KCP: variants seen among roughly 807,000 people sequenced by gnomAD.
The protein encoded by KCP is kielin/chordin-like protein.
Under a neutral mutation model 212.7 loss-of-function variants are expected in KCP, and 194 were observed. The ratio of observed to expected loss-of-function variants is 0.91; its 90% CI spans 0.81 to 1.03. The LOEUF (loss-of-function observed/expected upper bound fraction) is 1.03. KCP is among the 50% of genes least tolerant of loss of function. KCP has a pLI of 0.00. For missense variants in KCP, 2,080 were observed against 2,162.5 expected (o/e 0.96, Z 0.76); for synonymous variants, 833 against 865.3 (o/e 0.96, Z 0.65).
Position 128,879,513 on chromosome 7 carries a change from G to T in KCP, c.4146+9C>A. ...AGGCAGCCCACCCAGACTCGCCCTG[G>T]AGCCGCACCTGGAGCCCGGGCTGGG... On this transcript the variant is annotated intron_variant, in intron 37 of 39. Coordinates refer to ENST00000610776, the MANE Select transcript of KCP (RefSeq NM_001366122.1). 1 of 1,547,424 alleles carries T rather than the reference G, an allele frequency of 6.5e-7. No individual in the cohort carries two copies. The highest frequency in any genetic ancestry group is 8.7e-7 in the Non-Finnish European group (1 of 1,145,572).
intron 9 of KCP, 41 bp downstream of exon 9, chr7:128,894,159 T>C (rs1272436562): frequency 6.6e-7 from 1 of 1,509,304 alleles, no homozygotes; most frequent in Non-Finnish European, 8.9e-7. Context: ...TTCTCCAGGT[T>C]GCCCACCATG....
Position 128,886,981 on chromosome 7 carries a change from C to T in KCP, c.2599-15G>A. 3.7e-6 allele frequency: 5 copies of T among 1,346,464 alleles called. No individual in the cohort carries two copies. Among genetic ancestry groups the T allele is most frequent in the Non-Finnish European group, 4.1e-6 (4 of 964,228 alleles). The allele number at this position is 1,346,464 out of a possible 1,614,324, so 83.4% of individuals were successfully genotyped here. A position where few individuals can be genotyped will look rare whatever the true frequency, so the allele number is the denominator to read the frequency against. On this transcript the variant is annotated splice_polypyrimidine_tract_variant and intron_variant, in intron 23 of 39. Coordinates refer to ENST00000610776, the MANE Select transcript of KCP (RefSeq NM_001366122.1). ...ATGGAACCTTCCTGGGGGAGAGAGG[C>T]CCATCACACCCTCAACTGGACTGCA...
At chr7:128,910,551 G>A in intron 1 of KCP, 50 bp downstream of exon 1, 1 of 1,469,508 alleles carries the variant, frequency 6.8e-7, no homozygotes, top group African/African-American at 1.5e-5. Context: ...GCTGATAGGA[G>A]GGAGGGGGCG....
chr7:128,905,306 T>G (rs1266086949), intron 5 of KCP, among the ~76,000 whole-genome samples: 1 of 152,206 alleles, frequency 6.6e-6, no homozygotes, highest in Non-Finnish European at 1.5e-5. Context: ...TGCCGTTTAT[T>G]GAAATTAAGA....
chr7:128,891,230 G>T lies in KCP; in HGVS notation c.1927C>A (p.Pro643Thr). The change falls in exon 19 of 40, where the codon CCA (proline) becomes ACA (threonine). Residue 643 changes from proline (P) to threonine (T), a missense_variant. Pro to Thr is a conservative substitution (Grantham distance 38). Transcript: ENST00000610776. ...LARRCVPLPC[P>T]EPVLLPGECC... ...TCTCCCGGCAGCAGGACAGGCTCTGGACAGGGCAGCGGCACGCAGCGGCGG... is the reference window on the plus strand; with the variant it reads ...TCTCCCGGCAGCAGGACAGGCTCTGTACAGGGCAGCGGCACGCAGCGGCGG... The T allele has an allele frequency of 6.5e-7, 1 of 1,546,540 alleles. No individual in the cohort carries two copies.
rs1006136448 is a variant in KCP, at chr7:128,894,052, C to G, written c.929G>C (p.Cys310Ser). 2 of 1,549,512 alleles carry G rather than the reference C, an allele frequency of 1.3e-6. No individual in the cohort carries two copies. The highest frequency in any genetic ancestry group is 1.7e-6 in the Non-Finnish European group (2 of 1,146,088). Residue 310 changes from cysteine to serine, a missense_variant, in exon 10 of 40, where the codon TGT becomes TCT. By Grantham distance (112) the Cys-to-Ser change is moderately radical. Transcript: ENST00000610776. ...GCGGTGCTCCCGCCCGTTTAGGAAA[C>G]AGCCTGTTGGGAAGGGGGGCCTTAG... is the stretch of plus-strand genomic sequence containing the variant. ...PGTCCPVCDG[C>S]FLNGREHRSG...
rs1291470232 is a variant in KCP at position 128,891,238 on chromosome 7, A to G, written c.1919T>C (p.Leu640Pro). ...CAGCAGGACAGGCTCTGGACAGGGC[A>G]GCGGCACGCAGCGGCGGGCCAGGCA... The part of the protein sequence containing the change: ...VQCLARRCVP[L>P]PCPEPVLLPG... The change falls in exon 19 of 40, where the codon CTG (leucine) becomes CCG (proline). Residue 640 changes from leucine (L) to proline (P), a missense_variant. By Grantham distance (98) the Leu-to-Pro change is moderately conservative. Coordinates refer to ENST00000610776, the MANE Select transcript of KCP (RefSeq NM_001366122.1). The G allele has an allele frequency of 3.2e-6, 5 of 1,547,004 alleles. No homozygotes were observed. The highest frequency in any genetic ancestry group is 3.5e-6 in the Non-Finnish European group (4 of 1,146,690).
chr7:128,890,465 G>T lies in KCP; in HGVS notation c.2213C>A (p.Ser738Ter), dbSNP rs999948416. 45 of 1,550,752 alleles carry T rather than the reference G, an allele frequency of 2.9e-5. No individual in the cohort carries two copies. The highest frequency in any genetic ancestry group is 2.7e-4 in the East Asian group (11 of 40,916). Residue 738 changes from serine (S) to a stop codon, truncating the protein, a stop_gained, in exon 21 of 40, where the codon TCG becomes TAG. Transcript: ENST00000610776. LOFTEE classifies it high-confidence loss of function. ...KEFASGERFPSPTAACHLCLC... is the reference protein window; with the variant it reads ...KEFASGERFP ...GCAGAGGTGGCAGGCAGCAGTGGGC[G>T]ATGGGAAGCGCTCCCCGCTGGCAAA...
At chr7:128,883,648 C>T (rs901435949) in intron 29 of KCP, among the ~76,000 whole-genome samples, 6 of 152,154 alleles carry the variant, frequency 3.9e-5, no homozygotes, top group African/African-American at 1.2e-4. Context: ...ACTTTTCCCC[C>T]CAATCTTAAT....
In KCP at chr7:128,884,194, G is replaced by A. The variant is rs555690560; in HGVS notation, c.3124-72C>T. 1.0e-4 allele frequency: 152 copies of A among 1,487,112 alleles called. No homozygotes were observed. In the African/African-American group the frequency reaches 1.7e-3, roughly 17 times the overall value. The allele number at this position is 1,487,112 out of a possible 1,614,324, so 92.1% of individuals were successfully genotyped here. A position where few individuals can be genotyped will look rare whatever the true frequency, so the allele number is the denominator to read the frequency against. On this transcript the variant is annotated intron_variant, in intron 28 of 39. Coordinates refer to ENST00000610776, the MANE Select transcript of KCP (RefSeq NM_001366122.1). ...AGAGCTGCCCTTGGCCGGGACTTCC[G>A]GCCCCTCCCTCTGCCTGCTGCAGCC...
At chr7:128,884,967 T>A (rs917973228) in intron 27 of KCP, 104 bp from the exon 28 acceptor site, 90 of 1,475,400 alleles carry the variant, frequency 6.1e-5, no homozygotes, top group Non-Finnish European at 7.3e-5. Context: ...TCCCAGGGAG[T>A]GGAGTGTGCA....
At position 128,880,986 on chromosome 7, in the gene KCP, C is replaced by T. The variant is rs1171512299; in HGVS notation, c.3513+11G>A. ...GAGATCCTCCACCCTCCCAGGCCCA[C>T]CCCAGCTCACATGGCAGGTGCAGGC... On this transcript the variant is annotated intron_variant, in intron 32 of 39. Coordinates refer to ENST00000610776, the MANE Select transcript of KCP (RefSeq NM_001366122.1). The T allele has an allele frequency of 1.0e-5, 4 of 398,874 alleles. No individual in the cohort carries two copies. Among genetic ancestry groups the T allele is most frequent in the East Asian group, 3.6e-5 (1 of 28,092 alleles). 24.7% of individuals were successfully genotyped at this position (398,874 alleles called of 1,614,324 possible).
chr7:128,892,612 G>A lies in KCP; in HGVS notation c.1528-5C>T, dbSNP rs1441455761. On this transcript the variant is annotated splice_region_variant and splice_polypyrimidine_tract_variant and intron_variant, in intron 15 of 39. Coordinates refer to ENST00000610776, the MANE Select transcript of KCP (RefSeq NM_001366122.1). ...GGAGCATGTCACAGTTCCATCCTGC[G>A]AGAGAGCAGGGGAGAGAGCAATCGG... is the stretch of plus-strand genomic sequence containing the variant. 20 of 1,550,722 alleles carry A rather than the reference G, an allele frequency of 1.3e-5. No individual in the cohort carries two copies. Among genetic ancestry groups the A allele is most frequent in the African/African-American group, 4.1e-5 (3 of 73,024 alleles).
intron 2 of KCP, 75 bp from the exon 3 acceptor site, chr7:128,907,528 A>C: frequency 2.8e-6 from 3 of 1,067,816 alleles, no homozygotes; most frequent in Non-Finnish European, 3.7e-6. Context: ...AGGGGTGTGA[A>C]AATGAGGCAG....
rs1171153958 is a variant in KCP, at chr7:128,907,271, A to G, written c.402T>C (p.His134=). ...AHCGPQAHLP[H]CRGCSQNGQT... is the part of the protein sequence containing the mutation. ...GGATAGGGTGGCACTTACCCCTGCAATGGGGCAGGTGTGCTTGGGGGCCAC... is the reference window on the plus strand; with the variant it reads ...GGATAGGGTGGCACTTACCCCTGCAGTGGGGCAGGTGTGCTTGGGGGCCAC... The change falls in exon 3 of 40, where the codon CAT becomes CAC. Residue 134 remains histidine (H), a synonymous_variant. Transcript: ENST00000610776. 2.0e-6 allele frequency: 3 copies of G among 1,533,744 alleles called. No individual in the cohort carries two copies. In the East Asian group the frequency reaches 7.4e-5, roughly 38 times the overall value.
Position 128,890,132 on chromosome 7 carries a change from C to T in KCP, c.2335+211G>A, listed in dbSNP as rs889889362. 3.5e-5 allele frequency: 27 copies of T among 775,424 alleles called. No individual in the cohort carries two copies. In the South Asian group the frequency reaches 4.9e-4, roughly 14 times the overall value. 48.0% of individuals were successfully genotyped at this position (775,424 alleles called of 1,614,324 possible). A position where few individuals can be genotyped will look rare whatever the true frequency, so the allele number is the denominator to read the frequency against. On this transcript the variant is annotated intron_variant, in intron 21 of 39. Transcript: ENST00000610776. ...ACAAGATCTCTCTATGTTGCCCAGG[C>T]TGGTCTTGAACTCCTGGGCTCAAGT...
At chr7:128,888,780 AG>A in intron 22 of KCP, 82 bp downstream of exon 22, 1 of 1,308,188 alleles carries the variant, frequency 7.6e-7, no homozygotes, top group Non-Finnish European at 1.0e-6. Flanking sequence ...AGGCAGTGGG[AG>A]GGCTGGGAGG....
rs568313710 is a variant in KCP at position 128,878,494 on chromosome 7, G to C, written c.4311+64C>G. On this transcript the variant is annotated intron_variant, in intron 38 of 39. Transcript: ENST00000610776. ...TCCCTGCTTTCCATGCCAGAGGGTT[G>C]CTCTGAGACTCATGCTCAGCTGCGT... The C allele has an allele frequency of 1.6e-5, 24 of 1,471,968 alleles. No homozygotes were observed. The Admixed American group carries it at 2.5e-4, about 15-fold the overall frequency. The allele number at this position is 1,471,968 out of a possible 1,614,324, so 91.2% of individuals were successfully genotyped here.
intron 37 of KCP, 132 bp from the exon 38 acceptor site, chr7:128,878,854 C>G (rs1793148749): frequency 1.1e-6 from 1 of 924,884 alleles, no homozygotes; most frequent in African/African-American, 1.7e-5. Flanking sequence ...CAGGTGGAGG[C>G]TCCCCTTGGA....
Sources: allele counts gnomAD v4.1 joint callset (sites outside exome capture counted in the v4.1 genomes callset), GRCh38; gene constraint gnomAD v4.1.1; transcripts MANE v1.5; gene names NCBI Gene and HGNC (gene_info 2026-07-23, HGNC 2026-07-21).